Variants in CENPI observed in about 807,000 individuals in gnomAD.
CENPI encodes FSH primary response 1.
A neutral mutation model predicts 60.4 loss-of-function variants in CENPI; 4 were observed. That is an observed-to-expected ratio of 0.07 (90% CI 0.03 to 0.15). The LOEUF is 0.15. Among genes scored for constraint, CENPI ranks in the 10% least tolerant of loss-of-function variants. The pLI is 1.00. For synonymous variants in CENPI, 157 were observed against 189.4 expected (o/e 0.83, Z 1.40); for missense variants, 444 against 534.5 (o/e 0.83, Z 1.67).
chrX:101,147,711 A>C, intron 18 of CENPI, 52 bp from the exon 19 acceptor site: 2 of 957,191 alleles, frequency 2.1e-6, no homozygotes, highest in Non-Finnish European at 2.9e-6. Flanking sequence ...TTTCAAAGGC[A>C]TTATATTCAA....
chrX:101,151,320 T>C (rs1274372266), intron 20 of CENPI, among the ~76,000 whole-genome samples: 1 of 111,901 alleles, frequency 8.9e-6, no homozygotes, highest in African/African-American at 3.2e-5. Context: ...CTTAGTTCTT[T>C]GAGACCGTGG....
chrX:101,167,820 T>C (rs2090148065), downstream of CENPI, among the ~76,000 whole-genome samples: 1 of 112,193 alleles, frequency 8.9e-6, no homozygotes, highest in African/African-American at 3.2e-5. Context: ...CCACCCAACT[T>C]CATGTTGCAG....
rs1240016982 is a variant in CENPI, at chrX:101,148,131, C to T, written c.2064C>T (p.Phe688=). The T allele has an allele frequency of 3.4e-6, 4 of 1,190,880 alleles. No homozygotes were observed. The Admixed American group carries it at 7.5e-5, about 22-fold the overall frequency. ...NSLNVVHHPS[F]LSYAVSFLLQ... ...TAAATGTAGTCCATCATCCTTCTTT[C>T]TTGAGTTACGCTGTTTCCTTTTTGC... The change falls in exon 20 of 22, where the codon TTC becomes TTT. Residue 688 remains phenylalanine (F), a synonymous_variant. Coordinates refer to ENST00000682095, the MANE Select transcript of CENPI (RefSeq NM_001386188.2).
chrX:101,134,129 T>A (rs755041424), intron 15 of CENPI, among the ~76,000 whole-genome samples: 86 of 110,239 alleles, frequency 7.8e-4, no homozygotes, highest in African/African-American at 2.4e-3. Flanking sequence ...GAGGGAGAAG[T>A]TGAAAATGGA....
chrX:101,162,294 AT>A (rs1236709593), intron 21 of CENPI, among the ~76,000 whole-genome samples: 4 of 107,123 alleles, frequency 3.7e-5, no homozygotes, highest in Non-Finnish European at 5.7e-5. Context: ...CTGTACTAAA[AT>A]TTTAAAAAAT....
intron 15 of CENPI, among the ~76,000 whole-genome samples, chrX:101,139,874 A>G (rs1457941463): frequency 1.2e-4 from 12 of 102,053 alleles, no homozygotes; most frequent in Admixed American, 1.1e-3. Flanking sequence ...TCACTCTGTC[A>G]CCCAGGCTGG....
At chrX:101,109,360 C>T in intron 4 of CENPI, 113 bp from the exon 5 acceptor site, 1 of 577,484 alleles carries the variant, frequency 1.7e-6, no homozygotes, top group Non-Finnish European at 2.8e-6. Flanking sequence ...GGATTACAGG[C>T]ATGAGCTGCC....
At chrX:101,141,797 G>C (rs756439400) in intron 16 of CENPI, among the ~76,000 whole-genome samples, 3 of 111,004 alleles carry the variant, frequency 2.7e-5, no homozygotes, top group South Asian at 7.6e-4. Context: ...CAGTGACGCA[G>C]TCTTTGCTCA....
At chrX:101,104,467 A>G (rs1165610676) in intron 4 of CENPI, among the ~76,000 whole-genome samples, 2 of 111,922 alleles carry the variant, frequency 1.8e-5, no homozygotes, top group Non-Finnish European at 3.8e-5. Flanking sequence ...AAAGGTGAGG[A>G]AAAAGAGGCT....
intron 11 of CENPI, 47 bp from the exon 12 acceptor site, chrX:101,128,669 C>T (rs1219206247): frequency 8.5e-7 from 1 of 1,179,489 alleles, no homozygotes; most frequent in Non-Finnish European, 1.1e-6. Context: ...ATTCCCTTAT[C>T]CACTTTTCAG....
rs780610136 is a variant in CENPI at position 101,128,681 on chromosome X, T to C, written c.1075-35T>C. The C allele has an allele frequency of 3.4e-5, 40 of 1,188,070 alleles. No individual in the cohort carries two copies. The African/African-American group carries it at 5.5e-4, about 16-fold the overall frequency. On this transcript the variant is annotated intron_variant, in intron 11 of 21. Transcript: ENST00000682095. Reference sequence around the variant, plus strand: ...ACGATTCCCTTATCCACTTTTCAGATACTTAACTGTTGATCGGTTGTTCTG... The same window carrying C: ...ACGATTCCCTTATCCACTTTTCAGACACTTAACTGTTGATCGGTTGTTCTG...
At chrX:101,168,789 A>G (rs2094024221), downstream of CENPI, among the ~76,000 whole-genome samples, 1 of 111,982 alleles carries the variant, frequency 8.9e-6, no homozygotes, top group South Asian at 3.7e-4. Flanking sequence ...ACATCACCAA[A>G]TAAGTGAACA....
chrX:101,104,596 C>T (rs955352878), intron 4 of CENPI, among the ~76,000 whole-genome samples: 1 of 111,454 alleles, frequency 9.0e-6, no homozygotes, highest in Non-Finnish European at 1.9e-5. Context: ...TATAGTGGCT[C>T]ATGCCTATAA....
Position 101,127,225 on chromosome X carries a change from A to G in CENPI, c.865A>G (p.Lys289Glu), listed in dbSNP as rs753634519. ...RNRGPSPEPL[K>E]LMLGPANVRP... Reference sequence around the variant, plus strand: ...CCGGGGACCTTCTCCAGAACCTCTGAAGTTGATGTTAGGTCCAGCTAATGT... The same window carrying G: ...CCGGGGACCTTCTCCAGAACCTCTGGAGTTGATGTTAGGTCCAGCTAATGT... Residue 289 changes from lysine (K) to glutamate (E), a missense_variant, in exon 10 of 22, where the codon AAG becomes GAG. Coordinates refer to ENST00000682095, the MANE Select transcript of CENPI (RefSeq NM_001386188.2). The G allele has an allele frequency of 8.4e-7, 1 of 1,197,138 alleles. No homozygotes were observed. Among genetic ancestry groups the G allele is most frequent in the Non-Finnish European group, 1.1e-6 (1 of 889,410 alleles).
chrX:101,154,749 T>A (rs930137804), intron 20 of CENPI, among the ~76,000 whole-genome samples: 1 of 111,471 alleles, frequency 9.0e-6, no homozygotes, highest in Non-Finnish European at 1.9e-5. Flanking sequence ...TTCAACAATG[T>A]TTTGCAGTTT....
At chrX:101,141,331 C>T (rs2089913083) in intron 16 of CENPI, 1 of 111,302 alleles carries the variant, frequency 9.0e-6, no homozygotes, top group Non-Finnish European at 1.9e-5. Context: ...AAATCTTTGC[C>T]TTCTCCTACA....
At position 101,164,262 on chromosome X, in the gene CENPI, TTC is replaced by T. The variant is rs2090134272; in HGVS notation, c.*1299_*1300del. 9.0e-6 allele frequency among the ~76,000 whole-genome samples: 1 copy of T among 111,304 alleles called. No individual in the cohort carries two copies. Among genetic ancestry groups the T allele is most frequent in the African/African-American group, 3.3e-5 (1 of 30,639 alleles). On this transcript the variant is annotated 3_prime_UTR_variant, in exon 22 of 22. Coordinates refer to ENST00000682095, the MANE Select transcript of CENPI (RefSeq NM_001386188.2). ...TTCAATAAATATTTATTGAGCTCCT[TTC>T]TCTGTGCCAGGTACTCTTCTGTGTG... is the stretch of plus-strand genomic sequence containing the variant.
chrX:101,140,793 A>G (rs370270981), intron 16 of CENPI, 33 bp downstream of exon 16: 1 of 978,242 alleles, frequency 1.0e-6, no homozygotes, highest in Non-Finnish European at 1.5e-6. Flanking sequence ...ACAAGAGACG[A>G]TCTGTATACA....
chrX:101,175,730 TATA>T, the CENPI span, among the ~76,000 whole-genome samples: 2 of 111,992 alleles, frequency 1.8e-5, no homozygotes, highest in African/African-American at 6.5e-5. Context: ...GTATAGACTG[TATA>T]ATGATCAAGT....
Sources: gnomAD v4.1 joint callset for allele counts (sites outside exome capture counted in the v4.1 genomes callset) on GRCh38, gnomAD v4.1.1 for gene constraint, MANE v1.5 for transcripts, NCBI Gene and HGNC (gene_info 2026-07-23, HGNC 2026-07-21) for gene names.